Variants in SIAH3 observed in about 807,000 individuals in gnomAD.
SIAH3 encodes the protein siah E3 ubiquitin protein ligase family member 3.
SIAH3 carries 9 observed loss-of-function variants against 12.6 expected under a neutral mutation model. The observed-to-expected ratio is 0.72, with a 90% CI of 0.43 to 1.25. The LOEUF (loss-of-function observed/expected upper bound fraction) is 1.25, where lower values mean the gene tolerates loss of function less well. Among genes scored for constraint, SIAH3 ranks in the 50% most tolerant of loss-of-function variants. SIAH3 has a pLI of 0.00. For missense variants in SIAH3, 390 were observed against 365.4 expected, an observed-to-expected ratio of 1.07 and a Z score of -0.55; for synonymous variants, 154 against 151.1, an observed-to-expected ratio of 1.02 and a Z score of -0.14.
At chr13:45,789,404 C>G (rs1056658039) in intron 1 of SIAH3, among the ~76,000 whole-genome samples, 2 of 84,824 alleles carry the variant, frequency 2.4e-5, no homozygotes, top group Non-Finnish European at 5.0e-5. Context: ...ATCTATCTAT[C>G]TATCTATCTA....
At position 45,783,162 on chromosome 13, in the gene SIAH3, A is replaced by G. The variant is rs535909240; in HGVS notation, c.*221T>C. 15 of 321,842 alleles carry G rather than the reference A, an allele frequency of 4.7e-5. No homozygotes were observed. In the South Asian group the frequency reaches 2.1e-3, roughly 44 times the overall value. The allele number at this position is 321,842 out of a possible 1,614,324, so 19.9% of individuals were successfully genotyped here. On this transcript the variant is annotated 3_prime_UTR_variant, in exon 2 of 2. Coordinates refer to ENST00000400405, the MANE Select transcript of SIAH3 (RefSeq NM_198849.3). ...ACACCAACAAGGCAGGACAAACATC[A>G]CACCAAGATCTTAAATTACAGGATG...
intron 1 of SIAH3, among the ~76,000 whole-genome samples, chr13:45,841,708 G>T (rs1434841769): frequency 6.6e-6 from 1 of 152,212 alleles, no homozygotes; most frequent in African/African-American, 2.4e-5. Flanking sequence ...CCATAGTCAA[G>T]ATGAATATGT....
At chr13:45,836,215 A>G (rs1950717177) in intron 1 of SIAH3, among the ~76,000 whole-genome samples, 1 of 152,236 alleles carries the variant, frequency 6.6e-6, no homozygotes, top group Admixed American at 6.5e-5. Flanking sequence ...CTAGGACTTG[A>G]AAAGTCCTGC....
At chr13:45,795,108 A>G (rs1273408159) in intron 1 of SIAH3, among the ~76,000 whole-genome samples, 2 of 152,178 alleles carry the variant, frequency 1.3e-5, no homozygotes, top group Non-Finnish European at 2.9e-5. Context: ...TTCCTTTTAA[A>G]TATAGCTAAT....
intron 1 of SIAH3, among the ~76,000 whole-genome samples, chr13:45,847,998 C>T (rs572008375): frequency 2.0e-5 from 3 of 152,170 alleles, no homozygotes; most frequent in East Asian, 1.9e-4. Flanking sequence ...CAGGGCAGGG[C>T]GCTGTAGAAG....
At chr13:45,827,829 TC>T (rs1950684468) in intron 1 of SIAH3, among the ~76,000 whole-genome samples, 2 of 152,238 alleles carry the variant, frequency 1.3e-5, no homozygotes, top group Non-Finnish European at 2.9e-5. Context: ...ATTTTATCTT[TC>T]CAGCCAACCT....
At position 45,843,034 on chromosome 13, in the gene SIAH3, C is replaced by CTGTGTGTGTGTGTGTGTG. The variant is rs55772614; in HGVS notation, c.135+8443_135+8460dup. On this transcript the variant is annotated intron_variant, in intron 1 of 1. Coordinates refer to ENST00000400405, the MANE Select transcript of SIAH3 (RefSeq NM_198849.3). The stretch of plus-strand genomic sequence containing the variant: ...TGCCATTATTTCTCTCTCTCTCTCT[C>CTGTGTGTGTGTGTGTGTG]TGTGTGTGTGTGTGTGTGTGTGTGT... 6.2e-3 allele frequency among the ~76,000 whole-genome samples: 868 copies of CTGTGTGTGTGTGTGTGTG among 139,260 alleles called. 11 individuals carry two copies. Among genetic ancestry groups the CTGTGTGTGTGTGTGTGTG allele is most frequent in the African/African-American group, 0.021 (797 of 37,788 alleles). 91.4% of individuals were successfully genotyped at this position (139,260 alleles called of 152,430 possible). A position where few individuals can be genotyped will look rare whatever the true frequency, so the allele number is the denominator to read the frequency against.
chr13:45,805,382 A>G (rs1025434883), intron 1 of SIAH3, among the ~76,000 whole-genome samples: 2 of 152,164 alleles, frequency 1.3e-5, no homozygotes, highest in Admixed American at 6.6e-5. Flanking sequence ...AAAACAGACC[A>G]TAGACCAATG....
rs144179011 is a variant in SIAH3 at position 45,830,071 on chromosome 13, TA to T, written c.135+21423del. 9.8e-3 allele frequency among the ~76,000 whole-genome samples: 1,494 copies of T among 152,314 alleles called. 30 individuals carry two copies. Among genetic ancestry groups the T allele is most frequent in the African/African-American group, 0.034 (1,396 of 41,564 alleles). ...CAGTCCATTTTTCTTCCTATCTTGA[TA>T]AATGAACATCTTCATAACACATGAG... is the stretch of plus-strand genomic sequence containing the variant. On this transcript the variant is annotated intron_variant, in intron 1 of 1. Coordinates refer to ENST00000400405, the MANE Select transcript of SIAH3 (RefSeq NM_198849.3).
intron 1 of SIAH3, among the ~76,000 whole-genome samples, chr13:45,843,040 G>C (rs536987012): frequency 9.0e-4 from 136 of 151,330 alleles, no homozygotes; most frequent in African/African-American, 3.1e-3. Flanking sequence ...CTCTCTGTGT[G>C]TGTGTGTGTG....
Position 45,779,381 on chromosome 13 carries a change from A to C in SIAH3, c.*4002T>G, listed in dbSNP as rs774362062. The C allele has an allele frequency of 6.6e-6, 1 of 152,160 alleles. No homozygotes were observed. Among genetic ancestry groups the C allele is most frequent in the Non-Finnish European group, 1.5e-5 (1 of 68,028 alleles). 9.4% of individuals were successfully genotyped at this position (152,160 alleles called of 1,614,324 possible). A position where few individuals can be genotyped will look rare whatever the true frequency, so the allele number is the denominator to read the frequency against. ...AGAATACAAGCAGCTCTAGTACTCC[A>C]CTAGGTCTTGGGTTGAAAAAAGAGG... On this transcript the variant is annotated 3_prime_UTR_variant, in exon 2 of 2. Transcript: ENST00000400405.
At chr13:45,809,869 C>T (rs1536187) in intron 1 of SIAH3, among the ~76,000 whole-genome samples, 46,257 of 152,034 alleles carry the variant, frequency 0.3, 8,331 homozygotes, top group Non-Finnish European at 0.41. Context: ...AATGTTGTTT[C>T]AAGAATAATG....
At chr13:45,826,477 A>ATGAGTGGGTGGGTGGGTGTG (rs1566094943) in intron 1 of SIAH3, among the ~76,000 whole-genome samples, 1 of 90,734 alleles carries the variant, frequency 1.1e-5, no homozygotes, top group South Asian at 5.1e-4. Context: ...GGATGGATGG[A>ATGAGTGGGTGGGTGGGTGTG]TGGATGGATG....
intron 1 of SIAH3, among the ~76,000 whole-genome samples, chr13:45,835,205 G>C (rs757412110): frequency 6.6e-6 from 1 of 152,170 alleles, no homozygotes; most frequent in Non-Finnish European, 1.5e-5. Flanking sequence ...GTATTATTGT[G>C]ATAGTGACTA....
intron 1 of SIAH3, among the ~76,000 whole-genome samples, chr13:45,812,011 C>A (rs1307121159): frequency 1.3e-5 from 2 of 152,208 alleles, no homozygotes; most frequent in African/African-American, 4.8e-5. Flanking sequence ...ACTCCAGCCC[C>A]ACTCTCCCCG....
intron 1 of SIAH3, among the ~76,000 whole-genome samples, chr13:45,787,418 G>A (rs1950531951): frequency 6.6e-6 from 1 of 152,192 alleles, no homozygotes; most frequent in Non-Finnish European, 1.5e-5. Context: ...TGCCTCACTA[G>A]CTCACTATGA....
chr13:45,791,486 G>T (rs1269032235), intron 1 of SIAH3, among the ~76,000 whole-genome samples: 2 of 152,128 alleles, frequency 1.3e-5, no homozygotes, highest in Non-Finnish European at 2.9e-5. Context: ...TCCATCTCAG[G>T]TGCTATAGAA....
chr13:45,850,842 A>G (rs1950778043), intron 1 of SIAH3, among the ~76,000 whole-genome samples: 1 of 151,848 alleles, frequency 6.6e-6, no homozygotes, highest in Non-Finnish European at 1.5e-5. Flanking sequence ...ATTATTACAC[A>G]AGCCAGGCAA....
At chr13:45,822,909 T>C in intron 1 of SIAH3, among the ~76,000 whole-genome samples, 1 of 149,146 alleles carries the variant, frequency 6.7e-6, no homozygotes, top group East Asian at 2.0e-4. Context: ...TCTTTCTTAA[T>C]GAGGAAATGA....
Sources: allele counts gnomAD v4.1 joint callset (sites outside exome capture counted in the v4.1 genomes callset), GRCh38; gene constraint gnomAD v4.1.1; transcripts MANE v1.5; gene names NCBI Gene and HGNC (gene_info 2026-07-23, HGNC 2026-07-21).